SMOC1: variants seen among roughly 807,000 people sequenced by gnomAD.
SMOC1 encodes the protein SPARC-related modular calcium-binding protein 1.
Under a neutral mutation model 56.3 loss-of-function variants are expected in SMOC1, and 22 were observed. The ratio of observed to expected loss-of-function variants is 0.39; its 90% CI spans 0.28 to 0.56. The LOEUF (loss-of-function observed/expected upper bound fraction) is 0.56. SMOC1 is among the 20% of genes least tolerant of loss of function. The pLI, the probability that SMOC1 is intolerant of heterozygous loss-of-function variation, is 0.61. For synonymous variants in SMOC1, 193 were observed against 215.0 expected (o/e 0.90, Z 0.89); for missense variants, 509 against 565.4 (o/e 0.90, Z 1.01).
rs555898373 is a variant in SMOC1, at chr14:69,937,015, C to T, written c.100-15123C>T. 3.3e-5 allele frequency among the ~76,000 whole-genome samples: 5 copies of T among 152,232 alleles called. No individual in the cohort carries two copies. The East Asian group carries it at 7.7e-4, about 24-fold the overall frequency. On this transcript the variant is annotated intron_variant, in intron 1 of 11. Transcript: ENST00000361956. ...TTTATATTGTGAGCATTTCCCCGGT[C>T]AATAAAAAGTCTTGAGAACTGCATT...
chr14:69,881,350 GA>G (rs1050938570), intron 1 of SMOC1, among the ~76,000 whole-genome samples: 12 of 152,120 alleles, frequency 7.9e-5, no homozygotes, highest in African/African-American at 2.9e-4. Context: ...CAGGAGGGTC[GA>G]AAGGAGAGAG....
intron 3 of SMOC1, among the ~76,000 whole-genome samples, chr14:69,954,536 G>C (rs538440880): frequency 6.6e-6 from 1 of 152,306 alleles, no homozygotes; most frequent in East Asian, 1.9e-4. Flanking sequence ...AAAGCTTCTG[G>C]GCTGCTTCCT....
chr14:70,005,282 T>C (rs371517062), intron 7 of SMOC1, among the ~76,000 whole-genome samples: 1 of 152,350 alleles, frequency 6.6e-6, no homozygotes, highest in East Asian at 1.9e-4. Context: ...ATTTAGGTTA[T>C]CCATGCTTTC....
At chr14:69,949,996 A>G (rs1052939156) in intron 1 of SMOC1, among the ~76,000 whole-genome samples, 16 of 152,028 alleles carry the variant, frequency 1.1e-4, no homozygotes, top group Non-Finnish European at 4.4e-5. Flanking sequence ...TTCTCTGGAG[A>G]TGATGATCTG....
intron 5 of SMOC1, among the ~76,000 whole-genome samples, chr14:69,986,979 T>C (rs1257793830): frequency 6.6e-6 from 1 of 152,160 alleles, no homozygotes; most frequent in African/African-American, 2.4e-5. Context: ...TCTCAGGAAA[T>C]GTTGAGGTGG....
chr14:70,013,322 T>C, intron 9 of SMOC1, 64 bp from the exon 10 acceptor site: 1 of 1,421,060 alleles, frequency 7.0e-7, no homozygotes, highest in Non-Finnish European at 9.9e-7. Flanking sequence ...AGGATGGTAG[T>C]TGAGAAAGCT....
intron 1 of SMOC1, among the ~76,000 whole-genome samples, chr14:69,939,773 C>G (rs891912677): frequency 2.0e-4 from 30 of 152,238 alleles, no homozygotes; most frequent in Non-Finnish European, 3.4e-4. Flanking sequence ...CAAACAGTAA[C>G]TCCCCTTAGT....
In SMOC1 at chr14:69,965,912, G is replaced by A. The variant is rs374159700; in HGVS notation, c.379-9803G>A. Among the ~76,000 whole-genome samples the A allele has an allele frequency of 1.1e-4, 17 of 152,322 alleles. No homozygotes were observed. In the South Asian group the frequency reaches 2.7e-3, roughly 24 times the overall value. On this transcript the variant is annotated intron_variant, in intron 3 of 11. Transcript: ENST00000361956. ...AACATGCTGGGAGGTGACCCGGCAGGTCAGTCAACTAAACTCTTCTGCAAA... is the reference window on the plus strand; with the variant it reads ...AACATGCTGGGAGGTGACCCGGCAGATCAGTCAACTAAACTCTTCTGCAAA...
intron 1 of SMOC1, among the ~76,000 whole-genome samples, chr14:69,903,902 A>G (rs1399336830): frequency 4.0e-5 from 1 of 24,870 alleles, no homozygotes; most frequent in Non-Finnish European, 4.7e-4. Context: ...TGATCAATTA[A>G]AAAAAAAAAA....
At chr14:69,963,888 T>A (rs1883472992) in intron 3 of SMOC1, among the ~76,000 whole-genome samples, 1 of 152,210 alleles carries the variant, frequency 6.6e-6, no homozygotes, top group Admixed American at 6.5e-5. Context: ...GCCTCTACTA[T>A]CATGTTTTCA....
chr14:69,918,363 G>T (rs1373054297), intron 1 of SMOC1, among the ~76,000 whole-genome samples: 2 of 152,014 alleles, frequency 1.3e-5, no homozygotes, highest in Non-Finnish European at 2.9e-5. Context: ...GAGCAGCTGG[G>T]ACTATAGGTG....
intron 1 of SMOC1, among the ~76,000 whole-genome samples, chr14:69,947,128 C>CCTTCCTT: frequency 6.7e-6 from 1 of 149,654 alleles, no homozygotes; most frequent in African/African-American, 2.5e-5. Flanking sequence ...TTCCTTCCTT[C>CCTTCCTT]CCTCCCTCCC....
intron 1 of SMOC1, among the ~76,000 whole-genome samples, chr14:69,916,536 G>C (rs1350523406): frequency 6.6e-6 from 1 of 152,224 alleles, no homozygotes; most frequent in Non-Finnish European, 1.5e-5. Context: ...CTGCCTCTCT[G>C]ATCTGACCTG....
At chr14:69,995,895 C>T (rs1884745464) in intron 7 of SMOC1, among the ~76,000 whole-genome samples, 1 of 152,068 alleles carries the variant, frequency 6.6e-6, no homozygotes, top group South Asian at 2.1e-4. Context: ...CTTAGGACCC[C>T]CTCTATTCCC....
intron 3 of SMOC1, among the ~76,000 whole-genome samples, chr14:69,961,747 G>A (rs1437116779): frequency 6.6e-6 from 1 of 152,102 alleles, no homozygotes; most frequent in South Asian, 2.1e-4. Flanking sequence ...GTGTTTATCT[G>A]TTTTCAATTC....
intron 3 of SMOC1, among the ~76,000 whole-genome samples, chr14:69,966,153 T>G (rs530445337): frequency 1.3e-5 from 2 of 152,256 alleles, no homozygotes; most frequent in South Asian, 4.2e-4. Flanking sequence ...GGGACTTTCT[T>G]ATTATGTACT....
At chr14:70,021,823 C>T (rs938849076) in intron 10 of SMOC1, among the ~76,000 whole-genome samples, 46 of 152,278 alleles carry the variant, frequency 3.0e-4, no homozygotes, top group Admixed American at 1.3e-3. Flanking sequence ...CAGAGATTAT[C>T]TCCCTTCTGG....
At chr14:69,993,376 A>G (rs1217960130) in intron 6 of SMOC1, among the ~76,000 whole-genome samples, 2 of 152,144 alleles carry the variant, frequency 1.3e-5, no homozygotes. Context: ...AGTACTCCAT[A>G]TTCCCTTGAT....
At chr14:70,004,091 G>A (rs1381379308) in intron 7 of SMOC1, among the ~76,000 whole-genome samples, 2 of 152,114 alleles carry the variant, frequency 1.3e-5, no homozygotes, top group African/African-American at 2.4e-5. Context: ...GATGGCCAGA[G>A]TAGGCACCTT....
Sources: allele counts gnomAD v4.1 joint callset (sites outside exome capture counted in the v4.1 genomes callset), GRCh38; gene constraint gnomAD v4.1.1; transcripts MANE v1.5; gene names NCBI Gene and HGNC (gene_info 2026-07-23, HGNC 2026-07-21).